Variants in SIL1 observed in about 807,000 individuals in gnomAD.
SIL1 encodes the protein SIL1 nucleotide exchange factor.
A neutral mutation model predicts 49.1 loss-of-function variants in SIL1; 40 were observed. The observed-to-expected ratio is 0.81, with a 90% CI of 0.63 to 1.06. The LOEUF is 1.06. SIL1 is among the 50% of genes least tolerant of loss of function. SIL1 has a pLI of 0.00. For synonymous variants in SIL1, 253 were observed against 250.8 expected, an observed-to-expected ratio of 1.01 and a Z score of -0.08; for missense variants, 500 against 572.6, an observed-to-expected ratio of 0.87 and a Z score of 1.29.
intron 1 of SIL1, among the ~76,000 whole-genome samples, chr5:139,150,478 G>T (rs941153705): frequency 6.6e-6 from 1 of 151,962 alleles, no homozygotes; most frequent in Non-Finnish European, 1.5e-5. Flanking sequence ...CTATGCTCCT[G>T]TTCTCATGCC....
At chr5:138,960,794 A>G (rs1316147845) in intron 7 of SIL1, among the ~76,000 whole-genome samples, 2 of 152,164 alleles carry the variant, frequency 1.3e-5, no homozygotes, top group Non-Finnish European at 2.9e-5. Context: ...TATCTGATCT[A>G]TTAGATTATT....
intron 3 of SIL1, among the ~76,000 whole-genome samples, chr5:139,088,351 A>G (rs1770271209): frequency 6.6e-6 from 1 of 152,082 alleles, no homozygotes; most frequent in South Asian, 2.1e-4. Context: ...AGCCTTTCTA[A>G]TAAGTGGGAT....
At chr5:139,128,824 G>A (rs62381245) in intron 1 of SIL1, among the ~76,000 whole-genome samples, 7,760 of 152,112 alleles carry the variant, frequency 0.051, 251 homozygotes, top group African/African-American at 0.093. Flanking sequence ...ATGACATTTC[G>A]GGGGACCCAG....
chr5:139,123,383 C>T (rs925887726), intron 2 of SIL1, among the ~76,000 whole-genome samples: 7 of 152,214 alleles, frequency 4.6e-5, no homozygotes, highest in Non-Finnish European at 8.8e-5. Flanking sequence ...TTCATCACCC[C>T]CATGCCTAGC....
At chr5:139,182,169 G>T (rs910436905) in intron 1 of SIL1, among the ~76,000 whole-genome samples, 2 of 152,166 alleles carry the variant, frequency 1.3e-5, no homozygotes, top group African/African-American at 4.8e-5. Flanking sequence ...TCAACACGCT[G>T]CTCTCATTGC....
intron 1 of SIL1, among the ~76,000 whole-genome samples, chr5:139,162,651 T>TAC (rs1299763790): frequency 6.6e-6 from 1 of 152,216 alleles, no homozygotes; most frequent in Non-Finnish European, 1.5e-5. Flanking sequence ...AACACCTGTG[T>TAC]ACCCAGGTTC....
chr5:139,029,135 T>C (rs1768728421), intron 5 of SIL1, among the ~76,000 whole-genome samples: 1 of 152,222 alleles, frequency 6.6e-6, no homozygotes, highest in Admixed American at 6.5e-5. Flanking sequence ...TTCTATTTTT[T>C]TAAACAGAGA....
chr5:139,020,812 T>A (rs1462692715), intron 7 of SIL1, among the ~76,000 whole-genome samples: 1 of 152,194 alleles, frequency 6.6e-6, no homozygotes, highest in Non-Finnish European at 1.5e-5. Flanking sequence ...GGCTCATCAT[T>A]TATTCGTCAC....
At chr5:138,997,434 G>A (rs925488417) in intron 7 of SIL1, among the ~76,000 whole-genome samples, 2 of 152,116 alleles carry the variant, frequency 1.3e-5, no homozygotes, top group African/African-American at 4.8e-5. Context: ...TTAAAAATGG[G>A]TTGGCCGTAA....
intron 1 of SIL1, among the ~76,000 whole-genome samples, chr5:139,161,552 C>G (rs187341967): frequency 1.3e-5 from 2 of 152,306 alleles, no homozygotes; most frequent in Admixed American, 1.3e-4. Context: ...TCGGCTAACC[C>G]TGTTCTAGAC....
intron 3 of SIL1, among the ~76,000 whole-genome samples, chr5:139,079,503 G>A (rs1327057811): frequency 6.6e-6 from 1 of 152,234 alleles, no homozygotes; most frequent in African/African-American, 2.4e-5. Flanking sequence ...GGAAGGCTGA[G>A]TATAATTGAA....
chr5:138,972,577 C>T (rs1561810813), intron 7 of SIL1, among the ~76,000 whole-genome samples: 1 of 152,228 alleles, frequency 6.6e-6, no homozygotes, highest in Non-Finnish European at 1.5e-5. Context: ...CACTTGTTCC[C>T]TGCCCTTCTT....
At chr5:139,127,943 CAT>C (rs374528840) in intron 1 of SIL1, 90 bp from the exon 2 acceptor site, 12 of 793,076 alleles carry the variant, frequency 1.5e-5, no homozygotes, top group African/African-American at 1.4e-4. Flanking sequence ...CACTTGCTCA[CAT>C]GTCAGACATT....
intron 3 of SIL1, among the ~76,000 whole-genome samples, chr5:139,087,907 T>G (rs531170916): frequency 7.7e-4 from 117 of 152,292 alleles, no homozygotes; most frequent in African/African-American, 2.4e-3. Flanking sequence ...AAGTGGCTAA[T>G]GTGGCTAGCA....
Position 139,163,205 on chromosome 5 carries a change from C to T in SIL1, c.-11+35064G>A, listed in dbSNP as rs560868784. Among the ~76,000 whole-genome samples the T allele has an allele frequency of 7.9e-5, 12 of 152,034 alleles. No individual in the cohort carries two copies. In the South Asian group the frequency reaches 1.2e-3, roughly 16 times the overall value. On this transcript the variant is annotated intron_variant, in intron 1 of 9. Transcript: ENST00000394817. ...AGTTGATTCTAAGTATGATGGTGAGCCCAAAGGGCGTCAGGCAGCAAGGTG... is the reference window on the plus strand; with the variant it reads ...AGTTGATTCTAAGTATGATGGTGAGTCCAAAGGGCGTCAGGCAGCAAGGTG...
chr5:139,141,247 T>C lies in SIL1; in HGVS notation c.-10-13394A>G, dbSNP rs181142883. On this transcript the variant is annotated intron_variant, in intron 1 of 9. Coordinates refer to ENST00000394817, the MANE Select transcript of SIL1 (RefSeq NM_022464.5). Reference sequence around the variant, plus strand: ...TTTCCTGGCACTCAAAAAATAGCCATTGATTTAATAAAATCAATAATCTAA... The same window carrying C: ...TTTCCTGGCACTCAAAAAATAGCCACTGATTTAATAAAATCAATAATCTAA... Among the ~76,000 whole-genome samples the C allele has an allele frequency of 5.4e-3, 822 of 152,272 alleles. 9 individuals are homozygous for C. Among genetic ancestry groups the C allele is most frequent in the African/African-American group, 0.019 (772 of 41,556 alleles).
rs1313600750 is a variant in SIL1, at chr5:138,948,684, C to G, written c.1030-1211G>C. 6.6e-6 allele frequency among the ~76,000 whole-genome samples: 1 copy of G among 152,196 alleles called. No individual in the cohort carries two copies. Among genetic ancestry groups the G allele is most frequent in the Non-Finnish European group, 1.5e-5 (1 of 68,036 alleles). ...TCCCTGCACACCTCACCGCCACTGA[C>G]CGGCCTCCCCTGACTGGCCTTCTCT... On this transcript the variant is annotated intron_variant, in intron 9 of 9. Coordinates refer to ENST00000394817, the MANE Select transcript of SIL1 (RefSeq NM_022464.5). This position sits in a 1 kb window ranked among gnomAD's most constrained non-coding sequence, Gnocchi z 4.8.
intron 3 of SIL1, among the ~76,000 whole-genome samples, chr5:139,055,195 T>C (rs891376208): frequency 1.3e-5 from 2 of 152,182 alleles, no homozygotes; most frequent in Non-Finnish European, 2.9e-5. Flanking sequence ...CTGACTATCC[T>C]AGCCTAGAAA....
In SIL1 at chr5:139,021,285, T is replaced by C. The variant is rs150156151; in HGVS notation, c.653A>G (p.Asn218Ser). 1.5e-5 allele frequency: 25 copies of C among 1,614,032 alleles called. No individual in the cohort carries two copies. The East Asian group carries it at 2.2e-4, about 14-fold the overall frequency. ...DLEYYVHQMDNAQDLLSFGGL... is the reference protein window; with the variant it reads ...DLEYYVHQMDSAQDLLSFGGL... ...ACCAAAGGAAAGCAGGTCCTGCGCA[T>C]TGTCCATCTGCAACAGAGCCACTGC... Residue 218 changes from asparagine (N) to serine (S), a missense_variant, in exon 7 of 10, where the codon AAT becomes AGT. Physicochemically the swap from Asn to Ser is conservative, Grantham distance 46. Transcript: ENST00000394817.
Sources: allele counts gnomAD v4.1 joint callset (sites outside exome capture counted in the v4.1 genomes callset), GRCh38; gene constraint gnomAD v4.1.1; non-coding constraint Gnocchi (gnomAD v3.1); transcripts MANE v1.5; gene names NCBI Gene and HGNC (gene_info 2026-07-23, HGNC 2026-07-21).